The following ECE1 variants were observed in gnomAD, a reference collection of about 807,000 sequenced individuals.
ECE1 encodes the protein endothelin converting enzyme 1.
ECE1 carries 35 observed loss-of-function variants against 98.6 expected under a neutral mutation model. That is an observed-to-expected ratio of 0.35 (90% CI 0.27 to 0.47). The LOEUF is 0.47. ECE1 is among the 20% of genes least tolerant of loss of function. The probability of loss-of-function intolerance (pLI) is 1.00; values close to 1 mark genes in which losing one functional copy is unlikely to be tolerated. For missense variants in ECE1, 814 were observed against 1,025.3 expected (o/e 0.79, Z 2.81); for synonymous variants, 394 against 407.1 (o/e 0.97, Z 0.39).
chr1:21,267,196 T>C (rs1395132503), intron 4 of ECE1: 2 of 152,378 alleles, frequency 1.3e-5, no homozygotes, highest in East Asian at 3.8e-4. Flanking sequence ...TGCCTTGATC[T>C]TGGACTTCAC....
chr1:21,242,202 C>T (rs2098197333), intron 10 of ECE1, among the ~76,000 whole-genome samples: 1 of 152,184 alleles, frequency 6.6e-6, no homozygotes, highest in Admixed American at 6.5e-5. Flanking sequence ...GATTGAGCCC[C>T]TGCCCCAGTG....
At chr1:21,320,155 G>C (rs1377105301) in intron 1 of ECE1, among the ~76,000 whole-genome samples, 1 of 152,234 alleles carries the variant, frequency 6.6e-6, no homozygotes, top group Non-Finnish European at 1.5e-5. Context: ...CTCATTCACA[G>C]ATTCTCCCCA....
chr1:21,230,011 CG>C (rs2098179747), intron 14 of ECE1, among the ~76,000 whole-genome samples: 1 of 151,874 alleles, frequency 6.6e-6, no homozygotes, highest in Admixed American at 6.6e-5. Context: ...ATTCCGGCCC[CG>C]GTGACATGGT....
chr1:21,248,926 A>G (rs1226391887), intron 8 of ECE1, among the ~76,000 whole-genome samples: 1 of 152,014 alleles, frequency 6.6e-6, no homozygotes, highest in Non-Finnish European at 1.5e-5. Context: ...CCACCTGGCC[A>G]GAGCTCCCTG....
chr1:21,258,801 G>A lies in ECE1; in HGVS notation c.654C>T (p.Asp218=). Residue 218 remains aspartate (D), a synonymous_variant, in exon 6 of 19, where the codon GAC becomes GAT. Coordinates refer to ENST00000374893, the MANE Select transcript of ECE1 (RefSeq NM_001397.3). This position sits in a 1 kb window ranked among gnomAD's most constrained non-coding sequence, Gnocchi z 4.2. ...CCACCTGCAGGGTGTCCTGGAAGTT[G>A]TCCTTGGCCCAGGGACCTGTGATGT... The part of the protein sequence containing the change: ...GWNITGPWAK[D]NFQDTLQVVT... 1 of 1,614,216 alleles carries A rather than the reference G, an allele frequency of 6.2e-7. No homozygotes were observed. The highest frequency in any genetic ancestry group is 8.5e-7 in the Non-Finnish European group (1 of 1,180,044).
rs1472000517 is a variant in ECE1, at chr1:21,236,025, C to A, written c.1489-98G>T. On this transcript the variant is annotated intron_variant, in intron 12 of 18. Transcript: ENST00000374893. Reference sequence around the variant, plus strand: ...GGCTCATAGTCTGGGCCAAGGGGAACCAGAGCCAGGCCCTGCCTGCCTTGG... The same window carrying A: ...GGCTCATAGTCTGGGCCAAGGGGAAACAGAGCCAGGCCCTGCCTGCCTTGG... 6 of 1,165,264 alleles carry A rather than the reference C, an allele frequency of 5.1e-6. No homozygotes were observed. In the African/African-American group the frequency reaches 6.1e-5, roughly 12 times the overall value. The allele number at this position is 1,165,264 out of a possible 1,614,324, so 72.2% of individuals were successfully genotyped here.
At chr1:21,325,604 T>C (rs1036017648) in intron 1 of ECE1, among the ~76,000 whole-genome samples, 5 of 152,236 alleles carry the variant, frequency 3.3e-5, no homozygotes, top group African/African-American at 1.2e-4. Flanking sequence ...TGTGTGGCCT[T>C]GGCCGAGTCA....
intron 2 of ECE1, chr1:21,279,976 C>T (rs1470003284): frequency 6.5e-6 from 1 of 154,004 alleles, no homozygotes; most frequent in East Asian, 1.9e-4. Context: ...AGAGGTGGAT[C>T]CTGGGAGATG....
At chr1:21,263,719 C>A (rs1032187836) in intron 4 of ECE1, among the ~76,000 whole-genome samples, 1 of 151,932 alleles carries the variant, frequency 6.6e-6, no homozygotes, top group African/African-American at 2.4e-5. Context: ...GATGAGGGGG[C>A]CCCGCCAGGA....
At chr1:21,333,225 TG>T (rs1558437497) in intron 1 of ECE1, among the ~76,000 whole-genome samples, 1 of 150,160 alleles carries the variant, frequency 6.7e-6, no homozygotes, top group Non-Finnish European at 1.5e-5. Flanking sequence ...ATGCAGAAGG[TG>T]GGGGGAGCTG....
intron 1 of ECE1, among the ~76,000 whole-genome samples, chr1:21,295,520 A>T (rs1067237): frequency 0.3 from 45,642 of 152,180 alleles, 9,746 homozygotes; most frequent in African/African-American, 0.6. Flanking sequence ...AGCTTATTTT[A>T]AAATTTACTA....
At chr1:21,253,484 CG>C (rs2098215396) in intron 8 of ECE1, among the ~76,000 whole-genome samples, 1 of 150,472 alleles carries the variant, frequency 6.6e-6, no homozygotes, top group Non-Finnish European at 1.5e-5. Flanking sequence ...AACCACAGGC[CG>C]GGCGCGGTGG....
At position 21,225,627 on chromosome 1, in the gene ECE1, TGAA is replaced by T. The variant is rs2098173188; in HGVS notation, c.1850-190_1850-188del. ...GTGGCCAGTCAGAGGCGGGAGAGGA[TGAA>T]GGAGAGAAATCGGGAAAAGCTCCAG... On this transcript the variant is annotated intron_variant, in intron 16 of 18. Coordinates refer to ENST00000374893, the MANE Select transcript of ECE1 (RefSeq NM_001397.3). The surrounding 1 kb of genome is among the most constrained non-coding windows in gnomAD (Gnocchi z 5.3). 6.6e-6 allele frequency among the ~76,000 whole-genome samples: 1 copy of T among 151,654 alleles called. No homozygotes were observed.
rs1639385555 is a variant in ECE1, at chr1:21,340,907, A to T, written c.3+4469T>A. On this transcript the variant is annotated intron_variant, in intron 1 of 18. Coordinates refer to the ECE1 transcript ENST00000415912. The surrounding 1 kb of genome is among the most constrained non-coding windows in gnomAD (Gnocchi z 4.6). ...CCCACTGCCCTAAGGATTGAGCCCC[A>T]GGTCCTTCATATGACCATCCCTGAG... 6.8e-6 allele frequency among the ~76,000 whole-genome samples: 1 copy of T among 147,358 alleles called. No individual in the cohort carries two copies. The highest frequency in any genetic ancestry group is 2.6e-5 in the African/African-American group (1 of 38,554).
intron 1 of ECE1, among the ~76,000 whole-genome samples, chr1:21,304,866 G>A (rs1052108520): frequency 1.1e-4 from 17 of 152,182 alleles, no homozygotes; most frequent in Admixed American, 2.6e-4. Flanking sequence ...ATGTTTCAAG[G>A]AAAACAGAAA....
At position 21,260,377 on chromosome 1, in the gene ECE1, C is replaced by G. The variant is rs1199784999; in HGVS notation, c.509G>C (p.Ser170Thr). The change falls in exon 5 of 19, where the codon AGC becomes ACC. Residue 170 changes from serine (S) to threonine (T), a missense_variant. This residue lies in a region of ECE1 where 257 missense variants were observed against 278.9 expected (regional missense o/e 0.92). Coordinates refer to ENST00000374893, the MANE Select transcript of ECE1 (RefSeq NM_001397.3). This position sits in a 1 kb window ranked among gnomAD's most constrained non-coding sequence, Gnocchi z 4.3. ...IKHLLENSTASVSEAERKAQV... is the reference protein window; with the variant it reads ...IKHLLENSTATVSEAERKAQV... ...CGCCTTTCTCTCTGCCTCGCTCACG[C>G]TGGCCGTGGAGTTTTCTGGAACAAC... 1.1e-5 allele frequency: 17 copies of G among 1,614,124 alleles called. No homozygotes were observed. The highest frequency in any genetic ancestry group is 9.3e-6 in the Non-Finnish European group (11 of 1,180,056).
intron 8 of ECE1, among the ~76,000 whole-genome samples, chr1:21,253,778 A>G (rs561978382): frequency 5.9e-4 from 74 of 125,684 alleles, no homozygotes; most frequent in African/African-American, 2.1e-3. Context: ...AAAAAAAAAA[A>G]AAGAACCACA....
intron 1 of ECE1, among the ~76,000 whole-genome samples, chr1:21,320,094 T>G (rs1482348421): frequency 6.6e-6 from 1 of 152,254 alleles, no homozygotes; most frequent in African/African-American, 2.4e-5. Flanking sequence ...GTGAGCCGCA[T>G]TCAAAGCCAT....
At chr1:21,303,531 C>T (rs1249315632) in intron 1 of ECE1, among the ~76,000 whole-genome samples, 2 of 152,256 alleles carry the variant, frequency 1.3e-5, no homozygotes, top group African/African-American at 4.8e-5. Flanking sequence ...AAAGGAAGCA[C>T]TCAGGAAATA....
Sources: allele counts gnomAD v4.1 joint callset (sites outside exome capture counted in the v4.1 genomes callset), GRCh38; gene constraint gnomAD v4.1.1; regional missense constraint gnomAD v4.1.1; non-coding constraint Gnocchi (gnomAD v3.1); transcripts MANE v1.5; gene names NCBI Gene and HGNC (gene_info 2026-07-23, HGNC 2026-07-21).